CDC27: variants seen among roughly 807,000 people sequenced by gnomAD.
The protein encoded by CDC27 is cell division cycle 27, also known as cell division cycle protein 27 homolog.
Under a neutral mutation model 109.7 loss-of-function variants are expected in CDC27, and 27 were observed. The observed-to-expected ratio is 0.25, with a 90% CI of 0.18 to 0.34. The LOEUF (loss-of-function observed/expected upper bound fraction) is 0.34. Among genes scored for constraint, CDC27 ranks in the 10% least tolerant of loss-of-function variants. The probability of loss-of-function intolerance (pLI) is 1.00; values close to 1 mark genes in which losing one functional copy is unlikely to be tolerated. For missense variants in CDC27, 579 were observed against 960.2 expected (o/e 0.60, Z 5.25); for synonymous variants, 266 against 333.9 (o/e 0.80, Z 2.22).
At chr17:47,162,854 T>A (rs1884216585) in intron 4 of CDC27, among the ~76,000 whole-genome samples, 1 of 152,218 alleles carries the variant, frequency 6.6e-6, no homozygotes, top group Admixed American at 6.5e-5. Flanking sequence ...TCAAAATTCA[T>A]GTCTGTTAAG....
intron 2 of CDC27, among the ~76,000 whole-genome samples, chr17:47,173,963 G>GC (rs1278566735): frequency 6.6e-6 from 1 of 152,132 alleles, no homozygotes; most frequent in Non-Finnish European, 1.5e-5. Flanking sequence ...GCGCGGTGGC[G>GC]CAAGCCTGTA....
In CDC27 at chr17:47,118,144, T is replaced by C. The variant is rs1268246716; in HGVS notation, c.*2791A>G. 6.6e-6 allele frequency: 1 copy of C among 152,216 alleles called. No individual in the cohort carries two copies. The highest frequency in any genetic ancestry group is 1.5e-5 in the Non-Finnish European group (1 of 68,034). 9.4% of individuals were successfully genotyped at this position (152,216 alleles called of 1,614,324 possible). On this transcript the variant is annotated 3_prime_UTR_variant, in exon 19 of 19. Coordinates refer to ENST00000066544, the MANE Select transcript of CDC27 (RefSeq NM_001256.6). Reference sequence around the variant, plus strand: ...TTTTCACAAAGAAAATGGGTCACCATATTTCTCAGTGAAGACTCATACTAT... The same window carrying C: ...TTTTCACAAAGAAAATGGGTCACCACATTTCTCAGTGAAGACTCATACTAT...
chr17:47,178,809 C>CTT (rs1373089702), intron 2 of CDC27, among the ~76,000 whole-genome samples: 2 of 148,930 alleles, frequency 1.3e-5, no homozygotes, highest in African/African-American at 2.5e-5. Context: ...TTCCTTTTTC[C>CTT]GTTTTTTTTT....
intron 15 of CDC27, among the ~76,000 whole-genome samples, chr17:47,131,354 G>A (rs2062325598): frequency 1.3e-5 from 2 of 152,062 alleles, no homozygotes; most frequent in African/African-American, 4.8e-5. Flanking sequence ...CTGTCTTACG[G>A]TGCTGGACTA....
At chr17:47,166,678 G>A (rs954381919) in intron 4 of CDC27, among the ~76,000 whole-genome samples, 1 of 152,110 alleles carries the variant, frequency 6.6e-6, no homozygotes, top group Non-Finnish European at 1.5e-5. Context: ...TACAGTGAAA[G>A]CTTAGATAGC....
At chr17:47,160,304 T>C (rs1255708682) in intron 4 of CDC27, among the ~76,000 whole-genome samples, 1 of 149,838 alleles carries the variant, frequency 6.7e-6, no homozygotes, top group Admixed American at 6.7e-5. Flanking sequence ...CTCGGCTCAC[T>C]GCAACCTCCA....
At chr17:47,150,515 A>C (rs562781296) in intron 9 of CDC27, among the ~76,000 whole-genome samples, 12 of 152,302 alleles carry the variant, frequency 7.9e-5, no homozygotes, top group African/African-American at 2.9e-4. Flanking sequence ...GGTTATCAGA[A>C]GCTGGAGGAG....
At chr17:47,136,055 T>C (rs531203438) in intron 14 of CDC27, among the ~76,000 whole-genome samples, 1 of 152,060 alleles carries the variant, frequency 6.6e-6, no homozygotes, top group Non-Finnish European at 1.5e-5. Context: ...GGCAGGAGAA[T>C]GGCGTGAACC....
chr17:47,124,707 T>A (rs1219356901), intron 16 of CDC27, among the ~76,000 whole-genome samples: 1 of 152,230 alleles, frequency 6.6e-6, no homozygotes, highest in Non-Finnish European at 1.5e-5. Flanking sequence ...GATTCTCACA[T>A]CTATCTGCTT....
At chr17:47,129,803 C>T (rs1441735892) in intron 15 of CDC27, among the ~76,000 whole-genome samples, 1 of 152,066 alleles carries the variant, frequency 6.6e-6, no homozygotes, top group African/African-American at 2.4e-5. Context: ...AATCTAGGTC[C>T]TCTGGTACAT....
At chr17:47,178,504 C>T (rs2064100611) in intron 2 of CDC27, among the ~76,000 whole-genome samples, 1 of 147,738 alleles carries the variant, frequency 6.8e-6, no homozygotes, top group Non-Finnish European at 1.5e-5. Context: ...GACTGCACTC[C>T]AACCTGGGTG....
At chr17:47,186,495 T>C (rs925737235) in intron 1 of CDC27, among the ~76,000 whole-genome samples, 1 of 152,230 alleles carries the variant, frequency 6.6e-6, no homozygotes, top group Non-Finnish European at 1.5e-5. Flanking sequence ...AAAATCTCTT[T>C]GCTTCTTTTT....
At chr17:47,138,716 G>C in intron 13 of CDC27, 23 bp downstream of exon 13, 2 of 1,572,376 alleles carry the variant, frequency 1.3e-6, no homozygotes, top group South Asian at 2.2e-5. Context: ...AACTATATAA[G>C]CAAAGTATTT....
At chr17:47,151,481 C>T (rs562349250) in intron 9 of CDC27, among the ~76,000 whole-genome samples, 87 of 152,156 alleles carry the variant, frequency 5.7e-4, no homozygotes, top group Non-Finnish European at 1.0e-3. Context: ...TGTTTATAGA[C>T]ATGCATAATG....
chr17:47,150,850 T>C (rs1265205755), intron 9 of CDC27, among the ~76,000 whole-genome samples: 1 of 152,130 alleles, frequency 6.6e-6, no homozygotes, highest in Non-Finnish European at 1.5e-5. Context: ...CTGACCAACA[T>C]GGAGAAACCC....
At chr17:47,124,770 A>G (rs1688166562) in intron 16 of CDC27, among the ~76,000 whole-genome samples, 1 of 152,168 alleles carries the variant, frequency 6.6e-6, no homozygotes, top group African/African-American at 2.4e-5. Flanking sequence ...GGAAAATTCT[A>G]CTGTCCATTT....
intron 15 of CDC27, among the ~76,000 whole-genome samples, chr17:47,130,918 A>C (rs1341721812): frequency 6.6e-6 from 1 of 151,994 alleles, no homozygotes; most frequent in African/African-American, 2.4e-5. Context: ...GGGTGAATGA[A>C]TGTATGAATG....
intron 5 of CDC27, among the ~76,000 whole-genome samples, chr17:47,157,839 T>A (rs1407388426): frequency 6.6e-6 from 1 of 152,222 alleles, no homozygotes; most frequent in Non-Finnish European, 1.5e-5. Flanking sequence ...ATTCTCTCCC[T>A]GTACTGTTCA....
At chr17:47,159,117 T>C in intron 4 of CDC27, 1 of 303,472 alleles carries the variant, frequency 3.3e-6, no homozygotes, top group Non-Finnish European at 6.0e-6. Flanking sequence ...AAATATAGCA[T>C]AAATGACCAG....
Sources: gnomAD v4.1 joint callset for allele counts (sites outside exome capture counted in the v4.1 genomes callset) on GRCh38, gnomAD v4.1.1 for gene constraint, MANE v1.5 for transcripts, NCBI Gene and HGNC (gene_info 2026-07-23, HGNC 2026-07-21) for gene names.